Variants in BTBD8 observed in about 807,000 individuals in gnomAD.
BTBD8 encodes BTB/POZ domain-containing protein 8.
In BTBD8, 110 loss-of-function variants were observed where a neutral mutation model predicts 162.9. That is an observed-to-expected ratio of 0.68 (90% CI 0.58 to 0.79). The LOEUF is 0.79. Ranked by LOEUF, BTBD8 falls within the 30% of genes least tolerant of loss-of-function variation. BTBD8 has a pLI of 0.00. For synonymous variants in BTBD8, 667 were observed against 716.1 expected, an observed-to-expected ratio of 0.93 and a Z score of 1.10; for missense variants, 1,905 against 2,085.4, an observed-to-expected ratio of 0.91 and a Z score of 1.68.
chr1:92,126,631 G>C (rs865879045), intron 4 of BTBD8, among the ~76,000 whole-genome samples: 3 of 152,316 alleles, frequency 2.0e-5, no homozygotes, highest in Middle Eastern at 6.8e-3. Context: ...ATTTGGAGCA[G>C]TAATTAAATG....
intron 2 of BTBD8, among the ~76,000 whole-genome samples, chr1:92,101,992 C>A (rs1319418539): frequency 1.3e-5 from 2 of 152,028 alleles, no homozygotes; most frequent in Non-Finnish European, 2.9e-5. Context: ...GCCATCACAC[C>A]CGGCTTCTGC....
At chr1:92,167,432 A>G (rs1271268830) in intron 10 of BTBD8, among the ~76,000 whole-genome samples, 2 of 152,232 alleles carry the variant, frequency 1.3e-5, no homozygotes, top group African/African-American at 2.4e-5. Flanking sequence ...AAAGTCATAA[A>G]GGTACTGTTT....
chr1:92,080,571 C>T lies in BTBD8; in HGVS notation c.-1C>T, dbSNP rs755146265. The T allele has an allele frequency of 3.1e-6, 5 of 1,613,826 alleles. No individual in the cohort carries two copies. The East Asian group carries it at 1.1e-4, about 36-fold the overall frequency. ...TCCAGGGCGTCGTACCTCTGTGAGA[C>T]ATGGCTCGCTGTGGGGAAGGCAGTG... On this transcript the variant is annotated 5_prime_UTR_variant, in exon 1 of 18. Transcript: ENST00000636805.
At chr1:92,112,668 A>G (rs771975411) in intron 4 of BTBD8, among the ~76,000 whole-genome samples, 11 of 152,198 alleles carry the variant, frequency 7.2e-5, no homozygotes, top group Non-Finnish European at 1.3e-4. Flanking sequence ...ACTTAACTTC[A>G]GAAAGTCCAG....
Position 92,181,865 on chromosome 1 carries a change from C to T in BTBD8, c.4182C>T (p.Asn1394=), listed in dbSNP as rs1043564800. The change falls in exon 17 of 18, where the codon AAC becomes AAT. Residue 1394 remains asparagine, a synonymous_variant. Transcript: ENST00000636805. ...ETEDERSEAE[N]VAENFSISNP... ...AAGATGAAAGATCTGAAGCTGAAAA[C>T]GTTGCAGAAAATTTCTCTATATCTA... The T allele has an allele frequency of 2.2e-5, 34 of 1,550,906 alleles. No homozygotes were observed. Among genetic ancestry groups the T allele is most frequent in the Non-Finnish European group, 2.9e-5 (33 of 1,146,854 alleles).
Position 92,102,689 on chromosome 1 carries a change from G to T in BTBD8, c.544+20G>T, listed in dbSNP as rs772268371. The T allele has an allele frequency of 4.2e-6, 6 of 1,422,534 alleles. No individual in the cohort carries two copies. The highest frequency in any genetic ancestry group is 5.6e-6 in the Non-Finnish European group (6 of 1,078,028). The allele number at this position is 1,422,534 out of a possible 1,614,324, so 88.1% of individuals were successfully genotyped here. ...CCAATGGTGAGGTATTTTTTATGGA[G>T]TTGTATTTATAGCCGTAAAAATAAT... On this transcript the variant is annotated intron_variant, in intron 3 of 17. Coordinates refer to ENST00000636805, the MANE Select transcript of BTBD8 (RefSeq NM_001376131.1).
intron 13 of BTBD8, among the ~76,000 whole-genome samples, chr1:92,175,223 G>A (rs1035337969): frequency 7.2e-5 from 11 of 151,948 alleles, no homozygotes; most frequent in African/African-American, 2.4e-4. Flanking sequence ...GCTCACACCT[G>A]TAATCCCAGC....
intron 6 of BTBD8, chr1:92,139,688 T>C: frequency 3.6e-6 from 2 of 561,476 alleles, no homozygotes; most frequent in Non-Finnish European, 4.8e-6. Context: ...TAAATTATGG[T>C]TTATAGATCA....
At position 92,121,496 on chromosome 1, in the gene BTBD8, C is replaced by A. The variant is rs187590136; in HGVS notation, c.663-8191C>A. On this transcript the variant is annotated intron_variant, in intron 4 of 17. Transcript: ENST00000636805. ...TCGTCCTTAAATATTTATTAGAATTCACTAGGGAAGTTATCTTGGCCTGTT... is the reference window on the plus strand; with the variant it reads ...TCGTCCTTAAATATTTATTAGAATTAACTAGGGAAGTTATCTTGGCCTGTT... Among the ~76,000 whole-genome samples the A allele has an allele frequency of 3.2e-3, 490 of 152,220 alleles. 3 individuals carry two copies. Among genetic ancestry groups the A allele is most frequent in the African/African-American group, 0.011 (474 of 41,534 alleles).
At chr1:92,144,099 C>T (rs1374258975) in intron 7 of BTBD8, among the ~76,000 whole-genome samples, 1 of 148,844 alleles carries the variant, frequency 6.7e-6, no homozygotes, top group Admixed American at 6.7e-5. Flanking sequence ...TCAGCCTCCC[C>T]AGTAGCTGGG....
chr1:92,145,729 C>T (rs563313213), intron 7 of BTBD8, among the ~76,000 whole-genome samples: 76 of 152,294 alleles, frequency 5.0e-4, no homozygotes, highest in Non-Finnish European at 9.0e-4. Flanking sequence ...CGCCTGTAAT[C>T]CCAGCACTTT....
Position 92,184,170 on chromosome 1 carries a change from C to CA in BTBD8, c.5223dup (p.Pro1742ThrfsTer8). 1 of 1,551,610 alleles carries CA rather than the reference C, an allele frequency of 6.4e-7. No homozygotes were observed. The highest frequency in any genetic ancestry group is 8.7e-7 in the Non-Finnish European group (1 of 1,146,860). On this transcript the variant is annotated frameshift_variant, in exon 18 of 18. Transcript: ENST00000636805. LOFTEE classifies it high-confidence loss of function. ...ACACTACTTTTAGCACGAGATAGCT[C>CA]AAAACCTCAGGGTATAACACATATT...
chr1:92,143,478 AC>A (rs1233918002), intron 7 of BTBD8, among the ~76,000 whole-genome samples: 22 of 151,846 alleles, frequency 1.4e-4, no homozygotes, highest in Admixed American at 9.2e-4. Flanking sequence ...TTTGTTGAAA[AC>A]TTTTTTTGCT....
chr1:92,130,140 C>A (rs551260519), intron 5 of BTBD8, among the ~76,000 whole-genome samples: 2 of 152,252 alleles, frequency 1.3e-5, no homozygotes, highest in African/African-American at 4.8e-5. Context: ...ACTCATGTGG[C>A]CTTTCCTTGG....
intron 9 of BTBD8, among the ~76,000 whole-genome samples, chr1:92,158,509 T>TA (rs1376555732): frequency 6.6e-6 from 1 of 152,184 alleles, no homozygotes. Flanking sequence ...CCCCCACACA[T>TA]ACACTCTGTT....
chr1:92,175,238 T>C (rs996007905), intron 13 of BTBD8, among the ~76,000 whole-genome samples: 2 of 151,868 alleles, frequency 1.3e-5, no homozygotes, highest in African/African-American at 2.4e-5. Context: ...CCCAGCACTT[T>C]AGGAGGCTGA....
At chr1:92,139,269 C>T (rs888270777) in intron 5 of BTBD8, 81 bp from the exon 6 acceptor site, 26 of 1,438,834 alleles carry the variant, frequency 1.8e-5, no homozygotes, top group African/African-American at 2.9e-5. Flanking sequence ...CATCTTGGCT[C>T]GAAGTTTATG....
rs977911946 is a variant in BTBD8, at chr1:92,140,944, G to A, written c.834-171G>A. On this transcript the variant is annotated intron_variant, in intron 6 of 17. Coordinates refer to ENST00000636805, the MANE Select transcript of BTBD8 (RefSeq NM_001376131.1). The stretch of plus-strand genomic sequence containing the variant: ...TCAGTGCTTTCAACTTTTGGCCTAT[G>A]CCCTGTTTATAATCCATAAAGGGTG... Among the ~76,000 whole-genome samples the A allele has an allele frequency of 9.2e-5, 14 of 152,170 alleles. 1 individual carries two copies. The highest frequency in any genetic ancestry group is 3.1e-4 in the African/African-American group (13 of 41,434).
At position 92,177,176 on chromosome 1, in the gene BTBD8, A is replaced by T; in HGVS notation, c.1983A>T (p.Arg661Ser). ...TGTCACCTAGACAAGTTGTAGAAAGATCAGCAACAGCAGCAGCAGCAGCAA... is the reference window on the plus strand; with the variant it reads ...TGTCACCTAGACAAGTTGTAGAAAGTTCAGCAACAGCAGCAGCAGCAGCAA... ...ENMSPRQVVE[R>S]SATAAAAATG... The change falls in exon 14 of 18, where the codon AGA becomes AGT. Residue 661 changes from arginine to serine, a missense_variant. Arg to Ser is a moderately radical substitution (Grantham distance 110). This residue lies in a region of BTBD8 where 1,374 missense variants were observed against 1,442.7 expected (regional missense o/e 0.95). Coordinates refer to ENST00000636805, the MANE Select transcript of BTBD8 (RefSeq NM_001376131.1). 3.2e-6 allele frequency: 5 copies of T among 1,551,890 alleles called. No individual in the cohort carries two copies. The highest frequency in any genetic ancestry group is 4.4e-6 in the Non-Finnish European group (5 of 1,147,038).
Sources: gnomAD v4.1 joint callset for allele counts (sites outside exome capture counted in the v4.1 genomes callset) on GRCh38, gnomAD v4.1.1 for gene constraint, gnomAD v4.1.1 regional missense constraint, MANE v1.5 for transcripts, NCBI Gene and HGNC (gene_info 2026-07-23, HGNC 2026-07-21) for gene names.